The following KHDRBS2 variants were observed in gnomAD, a reference collection of about 807,000 sequenced individuals.
The protein encoded by KHDRBS2 is KH RNA binding domain containing, signal transduction associated 2.
Under a neutral mutation model 44.3 loss-of-function variants are expected in KHDRBS2, and 26 were observed. That is an observed-to-expected ratio of 0.59 (90% CI 0.43 to 0.81). The LOEUF (loss-of-function observed/expected upper bound fraction) is 0.81. KHDRBS2 is among the 40% of genes least tolerant of loss of function. The pLI is 0.00. For synonymous variants in KHDRBS2, 194 were observed against 151.1 expected (o/e 1.28, Z -2.08); for missense variants, 476 against 433.1 (o/e 1.10, Z -0.88).
intron 4 of KHDRBS2, among the ~76,000 whole-genome samples, chr6:61,932,693 G>C (rs937143016): frequency 2.0e-5 from 3 of 152,032 alleles, no homozygotes; most frequent in African/African-American, 7.2e-5. Context: ...CCAGCTACTC[G>C]GGAGGCAGGA....
chr6:61,689,206 T>G (rs529164450), intron 8 of KHDRBS2, among the ~76,000 whole-genome samples: 2 of 152,088 alleles, frequency 1.3e-5, no homozygotes, highest in South Asian at 4.1e-4. Flanking sequence ...CCTTCATGTT[T>G]GGGATCCTCT....
intron 6 of KHDRBS2, among the ~76,000 whole-genome samples, chr6:61,804,808 G>C (rs1786875091): frequency 6.6e-6 from 1 of 152,186 alleles, no homozygotes; most frequent in Non-Finnish European, 1.5e-5. Context: ...AAAGAAGCAA[G>C]ACCCTGGGCC....
At chr6:62,123,469 G>A (rs374668292) in intron 2 of KHDRBS2, among the ~76,000 whole-genome samples, 33 of 152,284 alleles carry the variant, frequency 2.2e-4, no homozygotes, top group African/African-American at 7.5e-4. Context: ...TTGAGGAATC[G>A]CCACACTGTC....
chr6:61,697,068 A>C, intron 8 of KHDRBS2, 127 bp downstream of exon 8: 1 of 721,204 alleles, frequency 1.4e-6, no homozygotes, highest in South Asian at 1.5e-5. Context: ...CTCACCCTGG[A>C]ATTACATGAA....
intron 3 of KHDRBS2, among the ~76,000 whole-genome samples, chr6:62,003,424 A>G (rs186302345): frequency 1.3e-5 from 2 of 152,248 alleles, no homozygotes; most frequent in African/African-American, 4.8e-5. Flanking sequence ...TCTTGAGAGG[A>G]GAACATCTTT....
rs1330901391 is a variant in KHDRBS2 at position 62,210,543 on chromosome 6, C to A, written c.92-33231G>T. On this transcript the variant is annotated intron_variant, in intron 1 of 8. Coordinates refer to ENST00000281156, the MANE Select transcript of KHDRBS2 (RefSeq NM_152688.4). Reference sequence around the variant, plus strand: ...ATGGGGTTTCACCATGTTGGCCAGGCTGGTCTAGAACTCCTGACCTCAGGT... The same window carrying A: ...ATGGGGTTTCACCATGTTGGCCAGGATGGTCTAGAACTCCTGACCTCAGGT... 7.2e-5 allele frequency among the ~76,000 whole-genome samples: 11 copies of A among 152,090 alleles called. No individual in the cohort carries two copies. The South Asian group carries it at 8.3e-4, about 11-fold the overall frequency.
the KHDRBS2 span, among the ~76,000 whole-genome samples, chr6:61,669,403 C>A: frequency 6.6e-6 from 1 of 150,484 alleles, no homozygotes; most frequent in Admixed American, 6.6e-5. Context: ...CCTTATAGTA[C>A]CTATTATAAA....
At chr6:61,782,689 G>GTATATATA (rs70993182) in intron 6 of KHDRBS2, among the ~76,000 whole-genome samples, 3 of 111,122 alleles carry the variant, frequency 2.7e-5, no homozygotes, top group Admixed American at 1.0e-4. Context: ...TAAAGGTTGT[G>GTATATATA]TATATATATA....
the KHDRBS2 span, among the ~76,000 whole-genome samples, chr6:61,582,570 A>G: frequency 1.3e-5 from 2 of 151,766 alleles, no homozygotes; most frequent in African/African-American, 4.8e-5. Flanking sequence ...TATATCATAC[A>G]AAATGTTCCA....
the KHDRBS2 span, among the ~76,000 whole-genome samples, chr6:61,623,770 A>G: frequency 6.6e-6 from 1 of 152,164 alleles, no homozygotes; most frequent in Admixed American, 6.5e-5. Flanking sequence ...GTCCCCTATG[A>G]CCGACTGAAG....
the KHDRBS2 span, among the ~76,000 whole-genome samples, chr6:61,580,587 A>G: frequency 1.4e-4 from 21 of 152,100 alleles, no homozygotes; most frequent in African/African-American, 3.6e-4. Context: ...TCAGGGTGAG[A>G]GTCTGTGGCT....
At chr6:62,051,387 AT>A (rs1789006513) in intron 2 of KHDRBS2, among the ~76,000 whole-genome samples, 2 of 152,064 alleles carry the variant, frequency 1.3e-5, no homozygotes, top group African/African-American at 4.8e-5. Flanking sequence ...CATATGATAT[AT>A]AATAAAGGTC....
chr6:61,561,657 G>A, the KHDRBS2 span, among the ~76,000 whole-genome samples: 3 of 152,078 alleles, frequency 2.0e-5, no homozygotes, highest in Admixed American at 6.6e-5. Context: ...TATTGCCATG[G>A]TATCACTGAT....
At chr6:61,922,725 T>G (rs1300077731) in intron 4 of KHDRBS2, among the ~76,000 whole-genome samples, 1 of 152,090 alleles carries the variant, frequency 6.6e-6, no homozygotes, top group Non-Finnish European at 1.5e-5. Flanking sequence ...AATAATTATC[T>G]CTATATTAAA....
intron 1 of KHDRBS2, among the ~76,000 whole-genome samples, chr6:62,185,647 A>G (rs1823270053): frequency 6.6e-6 from 1 of 152,024 alleles, no homozygotes; most frequent in African/African-American, 2.4e-5. Context: ...AATATGATCC[A>G]GGCATTTATT....
At chr6:61,953,081 G>A (rs1765108737) in intron 4 of KHDRBS2, among the ~76,000 whole-genome samples, 1 of 151,320 alleles carries the variant, frequency 6.6e-6, no homozygotes, top group South Asian at 2.1e-4. Context: ...TTCATATTTG[G>A]CCCAAATTAG....
rs558490264 is a variant in KHDRBS2 at position 61,907,234 on chromosome 6, C to T, written c.484-5863G>A. ...AGAAATGCTTATTCAGATCTTTTGA[C>T]CATTTTAAACTCAGATTATCTGCTT... On this transcript the variant is annotated intron_variant, in intron 4 of 8. Transcript: ENST00000281156. Among the ~76,000 whole-genome samples the T allele has an allele frequency of 5.3e-4, 81 of 151,952 alleles. No homozygotes were observed. In the South Asian group the frequency reaches 6.8e-3, roughly 13 times the overall value.
chr6:62,275,333 C>T (rs1240223527), intron 1 of KHDRBS2, among the ~76,000 whole-genome samples: 1 of 152,030 alleles, frequency 6.6e-6, no homozygotes, highest in Non-Finnish European at 1.5e-5. Flanking sequence ...TCCTTAAAGG[C>T]CCCCTTTTCC....
chr6:61,955,486 GTATGTATACATGTGTATATATACACATA>G (rs1766783039), intron 4 of KHDRBS2, among the ~76,000 whole-genome samples: 3 of 86,170 alleles, frequency 3.5e-5, no homozygotes, highest in African/African-American at 1.2e-4. Flanking sequence ...ACATATGTAT[GTATGTATACATGTGTATATATACACATA>G]TGTATGTATG....
Sources: gnomAD v4.1 joint callset for allele counts (sites outside exome capture counted in the v4.1 genomes callset) on GRCh38, gnomAD v4.1.1 for gene constraint, MANE v1.5 for transcripts, NCBI Gene and HGNC (gene_info 2026-07-23, HGNC 2026-07-21) for gene names.